FAM135B: variants seen among roughly 807,000 people sequenced by gnomAD.
FAM135B encodes protein FAM135B.
A neutral mutation model predicts 127.7 loss-of-function variants in FAM135B; 43 were observed. That is an observed-to-expected ratio of 0.34 (90% confidence interval 0.26 to 0.43). The LOEUF is 0.43. Among genes scored for constraint, FAM135B ranks in the 20% least tolerant of loss-of-function variants. FAM135B has a pLI of 1.00. For missense variants in FAM135B, 1,558 were observed against 1,725.6 expected (o/e 0.90, Z 1.72); for synonymous variants, 670 against 665.1 (o/e 1.01, Z -0.11).
chr8:138,183,155 T>C (rs1213697534), intron 9 of FAM135B, among the ~76,000 whole-genome samples: 1 of 152,210 alleles, frequency 6.6e-6, no homozygotes, highest in African/African-American at 2.4e-5. Flanking sequence ...ATGGCAACAC[T>C]GACAATTGAG....
intron 18 of FAM135B, 77 bp downstream of exon 18, chr8:138,138,909 A>C: frequency 1.1e-6 from 1 of 926,026 alleles, no homozygotes; most frequent in Non-Finnish European, 1.8e-6. Flanking sequence ...TCAATGTAGC[A>C]TTATATCTCA....
chr8:138,287,350 T>C (rs1824770033), intron 3 of FAM135B, among the ~76,000 whole-genome samples: 2 of 152,136 alleles, frequency 1.3e-5, no homozygotes, highest in Non-Finnish European at 2.9e-5. Flanking sequence ...AACAGTGCTA[T>C]ATTTTACCCT....
chr8:138,256,859 T>C, intron 4 of FAM135B, 100 bp from the exon 5 acceptor site: 2 of 872,652 alleles, frequency 2.3e-6, no homozygotes, highest in South Asian at 1.5e-5. Flanking sequence ...CACTATCTTG[T>C]CCAAAAATCA....
At chr8:138,215,981 A>G (rs1818511319) in intron 7 of FAM135B, among the ~76,000 whole-genome samples, 1 of 152,210 alleles carries the variant, frequency 6.6e-6, no homozygotes, top group African/African-American at 2.4e-5. Context: ...GGGATGGTAA[A>G]AGTCAGTGGA....
intron 1 of FAM135B, among the ~76,000 whole-genome samples, chr8:138,423,127 T>C (rs1235732964): frequency 6.6e-6 from 1 of 151,390 alleles, no homozygotes; most frequent in East Asian, 1.9e-4. Flanking sequence ...GGGTAGAGAG[T>C]GGGAGGGGGG....
At chr8:138,270,715 A>G (rs1823312384) in intron 3 of FAM135B, among the ~76,000 whole-genome samples, 1 of 152,246 alleles carries the variant, frequency 6.6e-6, no homozygotes, top group Non-Finnish European at 1.5e-5. Context: ...GCCCTTTTAC[A>G]AAGGCAGGAA....
intron 1 of FAM135B, among the ~76,000 whole-genome samples, chr8:138,429,119 T>A (rs1835062782): frequency 1.3e-5 from 2 of 152,232 alleles, no homozygotes; most frequent in Admixed American, 1.3e-4. Flanking sequence ...TTTAAAAGAG[T>A]ATAACGGGGC....
intron 1 of FAM135B, among the ~76,000 whole-genome samples, chr8:138,379,419 T>G (rs73429436): frequency 0.077 from 11,674 of 152,208 alleles, 958 homozygotes; most frequent in African/African-American, 0.2. Flanking sequence ...ATATATAGTG[T>G]ATAATGCTAA....
chr8:138,451,236 A>G (rs1269692696), intron 1 of FAM135B, among the ~76,000 whole-genome samples: 18 of 152,148 alleles, frequency 1.2e-4, no homozygotes. Context: ...CAATTCCCTC[A>G]TATTCTTCCA....
intron 1 of FAM135B, among the ~76,000 whole-genome samples, chr8:138,432,021 T>C (rs1332410533): frequency 2.0e-5 from 3 of 152,162 alleles, no homozygotes; most frequent in East Asian, 3.9e-4. Flanking sequence ...AACCAGCCAC[T>C]GGGCAGGGAA....
At chr8:138,481,963 CT>C (rs749901884) in intron 1 of FAM135B, among the ~76,000 whole-genome samples, 7 of 152,196 alleles carry the variant, frequency 4.6e-5, no homozygotes, top group Non-Finnish European at 8.8e-5. Context: ...ATGGCCTCCC[CT>C]GGAGGAGTTC....
chr8:138,410,890 T>G (rs558989977), intron 1 of FAM135B, among the ~76,000 whole-genome samples: 1 of 151,954 alleles, frequency 6.6e-6, no homozygotes, highest in Non-Finnish European at 1.5e-5. Flanking sequence ...CCATTCACAA[T>G]TGCTTCAAAG....
At chr8:138,493,420 G>A (rs1225606033) in intron 1 of FAM135B, among the ~76,000 whole-genome samples, 1 of 151,886 alleles carries the variant, frequency 6.6e-6, no homozygotes, top group Non-Finnish European at 1.5e-5. Flanking sequence ...GACTCATTTG[G>A]GGCATTTCAA....
chr8:138,210,871 C>T (rs989273266), intron 7 of FAM135B, among the ~76,000 whole-genome samples: 3 of 152,076 alleles, frequency 2.0e-5, no homozygotes, highest in African/African-American at 7.2e-5. Flanking sequence ...ATACACACAC[C>T]CATGTAGCCC....
intron 1 of FAM135B, among the ~76,000 whole-genome samples, chr8:138,432,028 G>A (rs1835216842): frequency 6.6e-6 from 1 of 152,182 alleles, no homozygotes; most frequent in Non-Finnish European, 1.5e-5. Flanking sequence ...CACTGGGCAG[G>A]GAAGGAGACC....
intron 2 of FAM135B, among the ~76,000 whole-genome samples, chr8:138,364,500 T>C (rs901101388): frequency 1.3e-5 from 2 of 152,154 alleles, no homozygotes; most frequent in African/African-American, 4.8e-5. Flanking sequence ...CTCAAGCATA[T>C]GTAGTCATAA....
chr8:138,423,838 A>G (rs1047595162), intron 1 of FAM135B, among the ~76,000 whole-genome samples: 5 of 152,186 alleles, frequency 3.3e-5, no homozygotes, highest in Non-Finnish European at 5.9e-5. Flanking sequence ...GCTCGACCAT[A>G]AAAGACGGCT....
intron 9 of FAM135B, among the ~76,000 whole-genome samples, chr8:138,188,810 G>A (rs1252747733): frequency 6.6e-6 from 1 of 152,104 alleles, no homozygotes; most frequent in Non-Finnish European, 1.5e-5. Flanking sequence ...CTCCAGGCTT[G>A]GCTGCAACCT....
At chr8:138,175,969 A>G (rs149416497) in intron 11 of FAM135B, among the ~76,000 whole-genome samples, 1 of 152,316 alleles carries the variant, frequency 6.6e-6, no homozygotes, top group East Asian at 1.9e-4. Flanking sequence ...TTCCATGTGC[A>G]TGGACATGCC....
Sources: gnomAD v4.1 joint callset for allele counts (sites outside exome capture counted in the v4.1 genomes callset) on GRCh38, gnomAD v4.1.1 for gene constraint, MANE v1.5 for transcripts, NCBI Gene and HGNC (gene_info 2026-07-23, HGNC 2026-07-21) for gene names.